Variants in ADCK1 observed in about 807,000 individuals in gnomAD.
ADCK1 encodes the protein aarF domain containing kinase 1.
Under a neutral mutation model 52.3 loss-of-function variants are expected in ADCK1, and 41 were observed. That is an observed-to-expected ratio of 0.78 (90% CI 0.61 to 1.02). The LOEUF (loss-of-function observed/expected upper bound fraction) is 1.02, where lower values mean the gene tolerates loss of function less well. ADCK1 is among the 50% of genes least tolerant of loss of function. The pLI is 0.00. For missense variants in ADCK1, 658 were observed against 679.5 expected, an observed-to-expected ratio of 0.97 and a Z score of 0.35; for synonymous variants, 250 against 274.6, an observed-to-expected ratio of 0.91 and a Z score of 0.89.
intron 2 of ADCK1, 37 bp downstream of exon 2, chr14:77,819,150 C>T: frequency 6.2e-7 from 1 of 1,612,114 alleles, no homozygotes; most frequent in Non-Finnish European, 8.5e-7. Context: ...AGAGAAGCTG[C>T]AGGATTACTT....
intron 3 of ADCK1, among the ~76,000 whole-genome samples, chr14:77,838,033 G>A (rs1338776796): frequency 6.6e-6 from 1 of 152,172 alleles, no homozygotes; most frequent in Non-Finnish European, 1.5e-5. Context: ...AAGGGTGATC[G>A]AGATGCTTGT....
Position 77,859,266 on chromosome 14 carries a change from A to G in ADCK1, c.410A>G (p.Asp137Gly). The G allele has an allele frequency of 3.1e-6, 5 of 1,613,586 alleles. No homozygotes were observed. The highest frequency in any genetic ancestry group is 4.2e-6 in the Non-Finnish European group (5 of 1,179,812). ...MQEIRQVIREDLGKEIHDLFQ... is the reference protein window; with the variant it reads ...MQEIRQVIREGLGKEIHDLFQ... Reference sequence around the variant, plus strand: ...GAGATCCGCCAGGTCATCCGAGAAGATCTGGGCAAGGAGGTACCCACCTTT... The same window carrying G: ...GAGATCCGCCAGGTCATCCGAGAAGGTCTGGGCAAGGAGGTACCCACCTTT... The change falls in exon 4 of 11, where the codon GAT becomes GGT. Residue 137 changes from aspartate (D) to glycine (G), a missense_variant. Physicochemically the swap from Asp to Gly is moderately conservative, Grantham distance 94 (BLOSUM62 -1). Coordinates refer to ENST00000238561, the MANE Select transcript of ADCK1 (RefSeq NM_020421.4).
At chr14:77,919,194 C>A (rs920316122) in intron 7 of ADCK1, among the ~76,000 whole-genome samples, 1 of 152,228 alleles carries the variant, frequency 6.6e-6, no homozygotes, top group Non-Finnish European at 1.5e-5. Flanking sequence ...GGATTACAGG[C>A]GTGAGCCACC....
At chr14:77,899,410 TG>T in intron 6 of ADCK1, 152 bp downstream of exon 6, 21 of 1,086,610 alleles carry the variant, frequency 1.9e-5, no homozygotes, top group Non-Finnish European at 2.6e-5. Context: ...ACTGGTGATG[TG>T]CATTAAATCA....
rs186377653 is a variant in ADCK1 at position 77,898,161 on chromosome 14, G to A, written c.583-939G>A. 5.3e-5 allele frequency among the ~76,000 whole-genome samples: 8 copies of A among 152,338 alleles called. No homozygotes were observed. The East Asian group carries it at 1.5e-3, about 29-fold the overall frequency. On this transcript the variant is annotated intron_variant, in intron 5 of 10. Coordinates refer to ENST00000238561, the MANE Select transcript of ADCK1 (RefSeq NM_020421.4). ...TGTAATCCCAGCCACTCAGGAGGCT[G>A]AGGTGGGAGGATCACTTGAGCCTTG...
chr14:77,898,004 G>C (rs1296329934), intron 5 of ADCK1, among the ~76,000 whole-genome samples: 1 of 152,134 alleles, frequency 6.6e-6, no homozygotes, highest in Non-Finnish European at 1.5e-5. Flanking sequence ...CTATAAAATG[G>C]GATAGCACTT....
intron 9 of ADCK1, among the ~76,000 whole-genome samples, chr14:77,926,436 G>A (rs577326136): frequency 6.6e-6 from 1 of 152,208 alleles, no homozygotes; most frequent in Non-Finnish European, 1.5e-5. Context: ...TTCTCAGGTG[G>A]CACTCAAGCA....
At chr14:77,889,019 G>A (rs1452466846) in intron 5 of ADCK1, among the ~76,000 whole-genome samples, 4 of 152,176 alleles carry the variant, frequency 2.6e-5, no homozygotes, top group Non-Finnish European at 5.9e-5. Flanking sequence ...TCTCATGACA[G>A]TGACTAAGTC....
rs2083712863 is a variant in ADCK1 at position 77,908,235 on chromosome 14, CT to C, written c.858+320del. The stretch of plus-strand genomic sequence containing the variant: ...GATGCAAAATCAGTGGGACTTAATC[CT>C]TTTGGCTCTGTGGGGCCTGTCTGTT... On this transcript the variant is annotated intron_variant, in intron 7 of 10. Coordinates refer to ENST00000238561, the MANE Select transcript of ADCK1 (RefSeq NM_020421.4). 5 of 194,698 alleles carry C rather than the reference CT, an allele frequency of 2.6e-5. No individual in the cohort carries two copies. In the South Asian group the frequency reaches 4.1e-4, roughly 16 times the overall value. 12.1% of individuals were successfully genotyped at this position (194,698 alleles called of 1,614,324 possible).
At chr14:77,894,733 C>CTTTTTTTTT (rs1566710773) in intron 5 of ADCK1, among the ~76,000 whole-genome samples, 1 of 38,396 alleles carries the variant, frequency 2.6e-5, no homozygotes, top group Non-Finnish European at 6.0e-5. Flanking sequence ...CTTTTCTTTT[C>CTTTTTTTTT]TTGTTTTTTT....
chr14:77,843,576 G>T (rs1221230695), intron 3 of ADCK1, among the ~76,000 whole-genome samples: 5 of 152,188 alleles, frequency 3.3e-5, no homozygotes. Flanking sequence ...GTTTGTCTGT[G>T]TGATGGCAGG....
chr14:77,841,497 A>G (rs1268007245), intron 3 of ADCK1, among the ~76,000 whole-genome samples: 1 of 151,956 alleles, frequency 6.6e-6, no homozygotes, highest in Non-Finnish European at 1.5e-5. Flanking sequence ...TGTGGAGAAT[A>G]ATAGGCTGAA....
chr14:77,864,154 C>T (rs17106489), intron 4 of ADCK1, among the ~76,000 whole-genome samples: 4,839 of 152,162 alleles, frequency 0.032, 145 homozygotes, highest in South Asian at 0.12. Flanking sequence ...CTTGATGCAC[C>T]ATCTGACTGG....
chr14:77,824,053 C>T (rs1304211733), intron 3 of ADCK1, among the ~76,000 whole-genome samples: 1 of 152,046 alleles, frequency 6.6e-6, no homozygotes, highest in Non-Finnish European at 1.5e-5. Context: ...TGCAGGCCAC[C>T]ACGCCTGGCT....
chr14:77,929,155 T>C (rs945928560), intron 9 of ADCK1, among the ~76,000 whole-genome samples: 1 of 152,208 alleles, frequency 6.6e-6, no homozygotes, highest in Non-Finnish European at 1.5e-5. Flanking sequence ...GGCTCAGTCT[T>C]TCTGAGCCCT....
intron 9 of ADCK1, among the ~76,000 whole-genome samples, chr14:77,928,700 T>TA (rs962745440): frequency 2.0e-5 from 3 of 152,148 alleles, no homozygotes; most frequent in Non-Finnish European, 4.4e-5. Context: ...GACCTTGTGA[T>TA]ACACCCATCT....
Position 77,812,190 on chromosome 14 carries a change from A to C in ADCK1, c.-11-6778A>C, listed in dbSNP as rs140782714. Among the ~76,000 whole-genome samples, 4 of 152,296 alleles carry C rather than the reference A, an allele frequency of 2.6e-5. No homozygotes were observed. In the East Asian group the frequency reaches 7.7e-4, roughly 29 times the overall value. On this transcript the variant is annotated intron_variant, in intron 1 of 10. Coordinates refer to ENST00000238561, the MANE Select transcript of ADCK1 (RefSeq NM_020421.4). ...GCAAATTTCAAGTAAACAATACAGT[A>C]GTATTAACTAGAGTTTCCATGTTGT...
intron 7 of ADCK1, among the ~76,000 whole-genome samples, chr14:77,909,568 G>A (rs1033737703): frequency 6.6e-6 from 1 of 152,180 alleles, no homozygotes; most frequent in Non-Finnish European, 1.5e-5. Context: ...GCCCAGGGGG[G>A]TGGCAGGGGA....
At chr14:77,838,045 A>G (rs1435906224) in intron 3 of ADCK1, among the ~76,000 whole-genome samples, 3 of 152,216 alleles carry the variant, frequency 2.0e-5, no homozygotes, top group Non-Finnish European at 4.4e-5. Flanking sequence ...GATGCTTGTT[A>G]ACAGCAGTAA....
Sources: allele counts gnomAD v4.1 joint callset (sites outside exome capture counted in the v4.1 genomes callset), GRCh38; gene constraint gnomAD v4.1.1; transcripts MANE v1.5; gene names NCBI Gene and HGNC (gene_info 2026-07-23, HGNC 2026-07-21).